KIAA1328: variants seen among roughly 807,000 people sequenced by gnomAD.
The protein encoded by KIAA1328 is protein hinderin.
A neutral mutation model predicts 68.1 loss-of-function variants in KIAA1328; 52 were observed. The observed-to-expected ratio is 0.76, with a 90% CI of 0.61 to 0.96. The LOEUF (loss-of-function observed/expected upper bound fraction) is 0.96. KIAA1328 is among the 40% of genes least tolerant of loss of function. KIAA1328 has a pLI of 0.00. For missense variants in KIAA1328, 641 were observed against 677.6 expected, an observed-to-expected ratio of 0.95 and a Z score of 0.60; for synonymous variants, 232 against 239.4, an observed-to-expected ratio of 0.97 and a Z score of 0.28.
chr18:36,958,347 C>T (rs1029640706), intron 5 of KIAA1328, among the ~76,000 whole-genome samples: 2 of 152,142 alleles, frequency 1.3e-5, no homozygotes, highest in African/African-American at 4.8e-5. Context: ...ATTTTCACTT[C>T]TCTTGAGTAT....
chr18:37,154,420 A>G (rs1027634186), intron 7 of KIAA1328, among the ~76,000 whole-genome samples: 7 of 152,164 alleles, frequency 4.6e-5, no homozygotes, highest in Non-Finnish European at 8.8e-5. Context: ...TTTTTCTTGC[A>G]TATCTCTTTA....
chr18:37,059,915 C>CCTTTATATGT (rs1264061496), intron 6 of KIAA1328, among the ~76,000 whole-genome samples: 2 of 151,466 alleles, frequency 1.3e-5, no homozygotes, highest in African/African-American at 4.9e-5. Context: ...TGGAAACCAT[C>CCTTTATATGT]ATTCTCAGCA....
chr18:37,053,906 T>C (rs1432959723), intron 6 of KIAA1328, among the ~76,000 whole-genome samples: 1 of 151,264 alleles, frequency 6.6e-6, no homozygotes, highest in Admixed American at 6.6e-5. Flanking sequence ...TTGCAAAGTA[T>C]GCATCTGACA....
rs2060621700 is a variant in KIAA1328, at chr18:37,225,009, T to C, written c.*2782T>C. ...AGGCAAACTTGTGTTTATCCAAACC[T>C]GATCCCCATGATGGGGACTTTTCTA... On this transcript the variant is annotated 3_prime_UTR_variant, in exon 10 of 10. Coordinates refer to ENST00000280020, the MANE Select transcript of KIAA1328 (RefSeq NM_020776.3). 2 of 985,336 alleles carry C rather than the reference T, an allele frequency of 2.0e-6. No individual in the cohort carries two copies. The highest frequency in any genetic ancestry group is 1.2e-6 in the Non-Finnish European group (1 of 829,946). The allele number at this position is 985,336 out of a possible 1,614,324, so 61.0% of individuals were successfully genotyped here.
chr18:37,020,877 G>C (rs1392779595), intron 6 of KIAA1328, among the ~76,000 whole-genome samples: 1 of 152,186 alleles, frequency 6.6e-6, no homozygotes, highest in African/African-American at 2.4e-5. Context: ...ACTTTAGTCT[G>C]TGAACACAAG....
chr18:37,173,482 C>A (rs2154213974), intron 9 of KIAA1328, among the ~76,000 whole-genome samples: 1 of 152,296 alleles, frequency 6.6e-6, no homozygotes, highest in South Asian at 2.1e-4. Flanking sequence ...TAACTTAAGA[C>A]CAGACACATT....
Position 36,959,432 on chromosome 18 carries a change from G to A in KIAA1328, c.573G>A (p.Gln191=), listed in dbSNP as rs1350664007. The stretch of plus-strand genomic sequence containing the variant: ...TTGGTGCTGCTAGAATGCAGGAACA[G>A]CAGGTAAGCATCTTTAATTTTACTT... ...SELGAARMQE[Q]QVSSRKSTLQ... The change falls in exon 6 of 10, where the codon CAG becomes CAA. Residue 191 remains glutamine, a synonymous_variant. Transcript: ENST00000280020. 1.2e-6 allele frequency: 2 copies of A among 1,607,668 alleles called. No individual in the cohort carries two copies. The highest frequency in any genetic ancestry group is 2.2e-5 in the South Asian group (2 of 89,136).
intron 6 of KIAA1328, 44 bp from the exon 7 acceptor site, chr18:37,066,846 T>A (rs1292930795): frequency 4.8e-6 from 7 of 1,472,022 alleles, no homozygotes; most frequent in Non-Finnish European, 6.3e-6. Context: ...AGAACTTGTT[T>A]TGTTGTGTTC....
intron 6 of KIAA1328, among the ~76,000 whole-genome samples, chr18:37,061,513 C>T (rs1220209780): frequency 6.6e-6 from 1 of 152,112 alleles, no homozygotes; most frequent in African/African-American, 2.4e-5. Context: ...ATTGTGGTTT[C>T]TAAGTTACTG....
intron 7 of KIAA1328, among the ~76,000 whole-genome samples, chr18:37,084,605 ATTAAT>A (rs1342646362): frequency 6.6e-6 from 1 of 150,682 alleles, no homozygotes; most frequent in Non-Finnish European, 1.5e-5. Context: ...CTGTGAAAAC[ATTAAT>A]TCATTCAACA....
chr18:36,999,583 A>G (rs2053514075), intron 6 of KIAA1328, among the ~76,000 whole-genome samples: 1 of 152,186 alleles, frequency 6.6e-6, no homozygotes, highest in South Asian at 2.1e-4. Flanking sequence ...CTTAGCAGAC[A>G]CCTTACAAGC....
intron 5 of KIAA1328, among the ~76,000 whole-genome samples, chr18:36,949,828 G>A (rs974444347): frequency 2.5e-5 from 1 of 40,802 alleles, no homozygotes; most frequent in Middle Eastern, 9.4e-3. Context: ...CCACTGTTTT[G>A]TGCTTTATTA....
chr18:36,975,523 G>A (rs916940906), intron 6 of KIAA1328, among the ~76,000 whole-genome samples: 8 of 152,060 alleles, frequency 5.3e-5, no homozygotes, highest in African/African-American at 1.4e-4. Flanking sequence ...TTTTTTGGAT[G>A]GGAATACTGA....
intron 7 of KIAA1328, among the ~76,000 whole-genome samples, chr18:37,078,847 T>C (rs1298576208): frequency 3.3e-5 from 5 of 149,754 alleles, no homozygotes; most frequent in Non-Finnish European, 6.0e-5. Context: ...CTGGAGAGGA[T>C]GTGGAGAAAT....
chr18:36,885,233 C>T (rs900039618), intron 4 of KIAA1328, among the ~76,000 whole-genome samples: 7 of 151,842 alleles, frequency 4.6e-5, no homozygotes, highest in African/African-American at 7.3e-5. Context: ...AAAATGAAAC[C>T]CATGTTTTAA....
chr18:37,215,880 G>A (rs1366457230), intron 9 of KIAA1328, among the ~76,000 whole-genome samples: 2 of 152,056 alleles, frequency 1.3e-5, no homozygotes, highest in Admixed American at 6.5e-5. Flanking sequence ...GTCTTGGGAG[G>A]GTGTATGTGT....
At chr18:36,988,868 C>T (rs2053055033) in intron 6 of KIAA1328, among the ~76,000 whole-genome samples, 1 of 152,126 alleles carries the variant, frequency 6.6e-6, no homozygotes. Flanking sequence ...ACTGCTAAGT[C>T]TCAATTTCCT....
chr18:37,169,524 T>G (rs1040928186), intron 8 of KIAA1328, among the ~76,000 whole-genome samples: 1 of 152,058 alleles, frequency 6.6e-6, no homozygotes, highest in Non-Finnish European at 1.5e-5. Context: ...TGTGTTTGTG[T>G]GTGTGTGTGT....
At chr18:37,086,112 A>G (rs1183278004) in intron 7 of KIAA1328, among the ~76,000 whole-genome samples, 1 of 152,166 alleles carries the variant, frequency 6.6e-6, no homozygotes, top group Non-Finnish European at 1.5e-5. Context: ...TCTTTGCTCA[A>G]AGACTGCAAA....
Sources: gnomAD v4.1 joint callset for allele counts (sites outside exome capture counted in the v4.1 genomes callset) on GRCh38, gnomAD v4.1.1 for gene constraint, MANE v1.5 for transcripts, NCBI Gene and HGNC (gene_info 2026-07-23, HGNC 2026-07-21) for gene names.